Variants in VAMP4 observed in about 807,000 individuals in gnomAD.
VAMP4 encodes the protein vesicle associated membrane protein 4, also known as vesicle-associated membrane protein 4.
A neutral mutation model predicts 23.5 loss-of-function variants in VAMP4; 19 were observed. The observed-to-expected ratio is 0.81, with a 90% CI of 0.56 to 1.19. VAMP4 has a LOEUF of 1.19. Ranked by LOEUF, VAMP4 falls within the 50% of genes most tolerant of loss-of-function variation. The pLI is 0.00. For missense variants in VAMP4, 145 were observed against 168.6 expected (o/e 0.86, Z 0.78); for synonymous variants, 31 against 51.0 (o/e 0.61, Z 1.67).
intron 2 of VAMP4, 133 bp from the exon 3 acceptor site, chr1:171,728,703 T>G: frequency 1.3e-6 from 1 of 778,508 alleles, no homozygotes; most frequent in Non-Finnish European, 2.0e-6. Context: ...GAAAAGTAAT[T>G]ACATATCCTT....
intron 3 of VAMP4, among the ~76,000 whole-genome samples, 171 bp from the exon 4 acceptor site, chr1:171,719,392 G>A (rs1282724891): frequency 6.6e-6 from 1 of 152,034 alleles, no homozygotes; most frequent in African/African-American, 2.4e-5. Flanking sequence ...CTGAATAATA[G>A]GTAATCATGT....
intron 3 of VAMP4, among the ~76,000 whole-genome samples, chr1:171,723,115 T>G (rs1173741074): frequency 2.0e-5 from 3 of 152,124 alleles, no homozygotes; most frequent in Admixed American, 1.3e-4. Context: ...GATTTTGTTG[T>G]GATTTTCAAA....
intron 2 of VAMP4, among the ~76,000 whole-genome samples, chr1:171,731,476 G>A (rs1655566351): frequency 2.0e-5 from 3 of 151,932 alleles, no homozygotes; most frequent in African/African-American, 4.8e-5. Context: ...AAACAGTGAT[G>A]GGACAGAAAG....
chr1:171,713,447 G>A (rs536230303), intron 4 of VAMP4, among the ~76,000 whole-genome samples: 3 of 152,210 alleles, frequency 2.0e-5, no homozygotes, highest in South Asian at 2.1e-4. Context: ...ACTCTTAGAC[G>A]AGATCGGGCG....
chr1:171,704,812 A>T (rs553545445), intron 7 of VAMP4, among the ~76,000 whole-genome samples: 1 of 152,138 alleles, frequency 6.6e-6, no homozygotes, highest in East Asian at 1.9e-4. Flanking sequence ...ATAACCTGGG[A>T]TAATAGTCAC....
Position 171,700,449 on chromosome 1 carries a change from G to C in VAMP4, c.*4057C>G, listed in dbSNP as rs552780782. The C allele has an allele frequency of 1.1e-3, 167 of 152,268 alleles. No individual in the cohort carries two copies. Among genetic ancestry groups the C allele is most frequent in the African/African-American group, 3.8e-3 (158 of 41,550 alleles). 9.4% of individuals were successfully genotyped at this position (152,268 alleles called of 1,614,324 possible). On this transcript the variant is annotated 3_prime_UTR_variant, in exon 8 of 8. Coordinates refer to ENST00000236192, the MANE Select transcript of VAMP4 (RefSeq NM_003762.5). Reference sequence around the variant, plus strand: ...AAGGACTTGAATTTTCTTATAGTTTGATTTCTAACATTTTACTGACTAAAA... The same window carrying C: ...AAGGACTTGAATTTTCTTATAGTTTCATTTCTAACATTTTACTGACTAAAA...
At chr1:171,728,024 C>A (rs2124861569) in intron 3 of VAMP4, among the ~76,000 whole-genome samples, 1 of 152,258 alleles carries the variant, frequency 6.6e-6, no homozygotes, top group East Asian at 1.9e-4. Flanking sequence ...GTACAGTAAG[C>A]TCTCTCTCAC....
chr1:171,733,005 T>C (rs1476983212), intron 2 of VAMP4, among the ~76,000 whole-genome samples: 5 of 151,780 alleles, frequency 3.3e-5, no homozygotes, highest in Admixed American at 1.3e-4. Context: ...AGAATAGAAA[T>C]AGATAATTCC....
At chr1:171,739,976 T>G (rs756633117) in intron 1 of VAMP4, among the ~76,000 whole-genome samples, 6 of 152,270 alleles carry the variant, frequency 3.9e-5, no homozygotes, top group Admixed American at 1.3e-4. Context: ...AGATGGTAGA[T>G]GAATACCCAT....
At chr1:171,724,163 G>A (rs1342139812) in intron 3 of VAMP4, among the ~76,000 whole-genome samples, 1 of 152,134 alleles carries the variant, frequency 6.6e-6, no homozygotes, top group Non-Finnish European at 1.5e-5. Context: ...ATGAGTTCAT[G>A]TCCTTTGTAG....
At chr1:171,721,101 C>G (rs1655180078) in intron 3 of VAMP4, among the ~76,000 whole-genome samples, 1 of 152,054 alleles carries the variant, frequency 6.6e-6, no homozygotes, top group South Asian at 2.1e-4. Context: ...AATCCAACGT[C>G]AGCTAATGAT....
chr1:171,721,980 C>T (rs1290156228), intron 3 of VAMP4, among the ~76,000 whole-genome samples: 3 of 152,134 alleles, frequency 2.0e-5, no homozygotes, highest in East Asian at 1.9e-4. Flanking sequence ...AAGTTGGAGG[C>T]GTCACGCTAC....
intron 2 of VAMP4, among the ~76,000 whole-genome samples, chr1:171,733,512 T>C (rs190044656): frequency 4.6e-5 from 7 of 152,030 alleles, no homozygotes; most frequent in Non-Finnish European, 7.4e-5. Context: ...TAGAGGATAA[T>C]GATACTAAAG....
At chr1:171,707,204 A>G (rs1007957112) in intron 6 of VAMP4, among the ~76,000 whole-genome samples, 4 of 152,162 alleles carry the variant, frequency 2.6e-5, no homozygotes, top group African/African-American at 9.7e-5. Flanking sequence ...AGATATATTA[A>G]GAGAGGTGTT....
intron 2 of VAMP4, among the ~76,000 whole-genome samples, chr1:171,736,150 G>T (rs1655734056): frequency 6.6e-6 from 1 of 152,186 alleles, no homozygotes; most frequent in South Asian, 2.1e-4. Context: ...GCCTCCCAAA[G>T]TGCTGGGATT....
In VAMP4 at chr1:171,739,395, C is replaced by A. The variant is rs118067501; in HGVS notation, c.-49-932G>T. 2.8e-3 allele frequency among the ~76,000 whole-genome samples: 432 copies of A among 152,284 alleles called. 6 individuals carry two copies. The East Asian group carries it at 0.046, about 16-fold the overall frequency. On this transcript the variant is annotated intron_variant, in intron 1 of 7. Coordinates refer to ENST00000236192, the MANE Select transcript of VAMP4 (RefSeq NM_003762.5). Reference sequence around the variant, plus strand: ...CTGGAGAGGGCACAGAAGCTCTGTACCCCTTGCCCTATGCACCTCTTCCAT... The same window carrying A: ...CTGGAGAGGGCACAGAAGCTCTGTAACCCTTGCCCTATGCACCTCTTCCAT...
At chr1:171,719,107 A>C in intron 4 of VAMP4, 64 bp downstream of exon 4, 1 of 1,463,936 alleles carries the variant, frequency 6.8e-7, no homozygotes, top group Non-Finnish European at 9.4e-7. Flanking sequence ...CACAGGCTGC[A>C]GTTTGCCAAT....
At chr1:171,734,129 G>A (rs963320442) in intron 2 of VAMP4, among the ~76,000 whole-genome samples, 6 of 151,942 alleles carry the variant, frequency 3.9e-5, no homozygotes, top group African/African-American at 1.2e-4. Context: ...TTAGCTGGGC[G>A]TGGTGGTGTA....
chr1:171,724,748 C>G (rs1172468096), intron 3 of VAMP4, among the ~76,000 whole-genome samples: 1 of 152,036 alleles, frequency 6.6e-6, no homozygotes, highest in Non-Finnish European at 1.5e-5. Flanking sequence ...TGCTTAGAGC[C>G]TCCAATAGCC....
Sources: allele counts gnomAD v4.1 joint callset (sites outside exome capture counted in the v4.1 genomes callset), GRCh38; gene constraint gnomAD v4.1.1; transcripts MANE v1.5; gene names NCBI Gene and HGNC (gene_info 2026-07-23, HGNC 2026-07-21).